Variants in LOXL2 observed in about 807,000 individuals in gnomAD.
LOXL2 encodes the protein lysyl oxidase like 2, also known as lysyl oxidase homolog 2.
LOXL2 carries 70 observed loss-of-function variants against 93.0 expected under a neutral mutation model. The observed-to-expected ratio is 0.75, with a 90% CI of 0.62 to 0.92. LOXL2 has a LOEUF of 0.92. Ranked by LOEUF, LOXL2 falls within the 40% of genes least tolerant of loss-of-function variation. The pLI is 0.00. For synonymous variants in LOXL2, 438 were observed against 413.2 expected (o/e 1.06, Z -0.73); for missense variants, 973 against 1,054.9 (o/e 0.92, Z 1.08).
rs140255048 is a variant in LOXL2, at chr8:23,322,164, C to T, written c.1268G>A (p.Arg423Lys). Reference protein sequence around the residue: ...GCNHEEDAGVRCNTPAMGLQK... With the variant: ...GCNHEEDAGVKCNTPAMGLQK... ...CAAGCCCATGGCAGGGGTGTTGCATCTCACACCAGCATCCTCCTCGTGGTT... is the reference window on the plus strand; with the variant it reads ...CAAGCCCATGGCAGGGGTGTTGCATTTCACACCAGCATCCTCCTCGTGGTT... Residue 423 changes from arginine (R) to lysine (K), a missense_variant, in exon 7 of 14, where the codon AGA (arginine) becomes AAA (lysine). By Grantham distance (26) the Arg-to-Lys change is conservative. Transcript: ENST00000389131. The T allele has an allele frequency of 1.2e-6, 2 of 1,614,236 alleles. No individual in the cohort carries two copies. The highest frequency in any genetic ancestry group is 1.1e-5 in the South Asian group (1 of 91,082).
chr8:23,297,242 G>A lies in LOXL2; in HGVS notation c.*801C>T, dbSNP rs957068851. Reference sequence around the variant, plus strand: ...GTGTAAGTGTCTGTGATGACACATGGTGCTCAGTGAGCGCCCTGTCACCCA... The same window carrying A: ...GTGTAAGTGTCTGTGATGACACATGATGCTCAGTGAGCGCCCTGTCACCCA... On this transcript the variant is annotated 3_prime_UTR_variant, in exon 14 of 14. Transcript: ENST00000389131. 1.3e-5 allele frequency: 2 copies of A among 152,088 alleles called. No homozygotes were observed. The highest frequency in any genetic ancestry group is 2.4e-5 in the African/African-American group (1 of 41,392). 9.4% of individuals were successfully genotyped at this position (152,088 alleles called of 1,614,324 possible). A position where few individuals can be genotyped will look rare whatever the true frequency, so the allele number is the denominator to read the frequency against.
At chr8:23,372,752 T>G (rs1001849347) in intron 1 of LOXL2, among the ~76,000 whole-genome samples, 2 of 152,260 alleles carry the variant, frequency 1.3e-5, no homozygotes, top group African/African-American at 4.8e-5. Flanking sequence ...AAAAGAAATA[T>G]TGATAGAACT....
intron 3 of LOXL2, among the ~76,000 whole-genome samples, chr8:23,352,432 C>T (rs962775555): frequency 6.6e-6 from 1 of 152,060 alleles, no homozygotes; most frequent in Non-Finnish European, 1.5e-5. Flanking sequence ...TTCCCCAAAC[C>T]ACCCAGTGCA....
intron 1 of LOXL2, among the ~76,000 whole-genome samples, chr8:23,400,904 G>T (rs1037195283): frequency 1.3e-5 from 2 of 152,162 alleles, no homozygotes; most frequent in Non-Finnish European, 2.9e-5. Context: ...TCCTGATTTT[G>T]CAGTTCATTT....
intron 6 of LOXL2, among the ~76,000 whole-genome samples, chr8:23,323,763 G>C (rs567674982): frequency 6.6e-6 from 1 of 152,166 alleles, no homozygotes; most frequent in South Asian, 2.1e-4. Flanking sequence ...GTGCAGTGAC[G>C]CCATCTCGGC....
chr8:23,391,155 A>G lies in LOXL2; in HGVS notation c.-84+12799T>C, dbSNP rs57272477. Reference sequence around the variant, plus strand: ...ACATGTGGGAATTATGGGAGCTACAATTTAAGATAAGATTTGGGTGCGGAT... The same window carrying G: ...ACATGTGGGAATTATGGGAGCTACAGTTTAAGATAAGATTTGGGTGCGGAT... On this transcript the variant is annotated intron_variant, in intron 1 of 13. Coordinates refer to ENST00000389131, the MANE Select transcript of LOXL2 (RefSeq NM_002318.3). 8.7e-4 allele frequency among the ~76,000 whole-genome samples: 133 copies of G among 152,298 alleles called. 2 individuals are homozygous for G. In the East Asian group the frequency reaches 0.019, roughly 22 times the overall value.
chr8:23,367,386 T>A (rs1336179135), intron 2 of LOXL2, among the ~76,000 whole-genome samples: 1 of 152,104 alleles, frequency 6.6e-6, no homozygotes, highest in African/African-American at 2.4e-5. Flanking sequence ...ACTAATAAAT[T>A]TGAACCTCAC....
intron 3 of LOXL2, among the ~76,000 whole-genome samples, chr8:23,354,824 C>A (rs1804159774): frequency 6.6e-6 from 1 of 151,590 alleles, no homozygotes; most frequent in South Asian, 2.1e-4. Context: ...CCTCCACTGA[C>A]AAGGAGCTCA....
chr8:23,314,635 G>A (rs1414787197), intron 9 of LOXL2, among the ~76,000 whole-genome samples: 1 of 151,500 alleles, frequency 6.6e-6, no homozygotes, highest in Non-Finnish European at 1.5e-5. Flanking sequence ...ACACTCTGGG[G>A]ACTGTTGTGG....
chr8:23,355,312 T>TCC (rs113118759), intron 3 of LOXL2, among the ~76,000 whole-genome samples: 1 of 151,382 alleles, frequency 6.6e-6, no homozygotes, highest in Non-Finnish European at 1.5e-5. Context: ...GAGAACCATC[T>TCC]CCCCCCATAT....
chr8:23,301,999 G>C (rs1040485003), intron 12 of LOXL2, 28 bp downstream of exon 12: 7 of 1,613,194 alleles, frequency 4.3e-6, no homozygotes, highest in Non-Finnish European at 5.1e-6. Flanking sequence ...CCCCCTGCAG[G>C]GCTGGAACCC....
intron 1 of LOXL2, among the ~76,000 whole-genome samples, chr8:23,371,668 C>T (rs1437901037): frequency 1.5e-5 from 2 of 133,632 alleles, no homozygotes; most frequent in Non-Finnish European, 3.1e-5. Flanking sequence ...AGGAGAATGG[C>T]GTGAACCCAG....
Position 23,322,264 on chromosome 8 carries a change from G to C in LOXL2, c.1168C>G (p.Leu390Val). The C allele has an allele frequency of 6.2e-6, 10 of 1,614,194 alleles. No homozygotes were observed. The highest frequency in any genetic ancestry group is 7.6e-6 in the Non-Finnish European group (9 of 1,180,018). Residue 390 changes from leucine (L) to valine (V), a missense_variant, in exon 7 of 14, where the codon CTC becomes GTC. Leu to Val is a conservative substitution (Grantham distance 32). Transcript: ENST00000389131. ...RLGQGIGPIH[L>V]NEIQCTGNEK... is the part of the protein sequence containing the mutation. The stretch of plus-strand genomic sequence containing the variant: ...TTGCCTGTGCACTGGATCTCGTTGA[G>C]GTGGATGGGTCCGATCCCTGCAAGG...
At chr8:23,387,308 G>C (rs562857112) in intron 1 of LOXL2, among the ~76,000 whole-genome samples, 19 of 152,284 alleles carry the variant, frequency 1.2e-4, no homozygotes, top group Middle Eastern at 3.4e-3. Flanking sequence ...GTGTCCTCGG[G>C]GGGTATCAGA....
chr8:23,334,408 C>T (rs145343499), intron 4 of LOXL2, among the ~76,000 whole-genome samples: 20 of 152,282 alleles, frequency 1.3e-4, no homozygotes, highest in African/African-American at 3.4e-4. Context: ...ACTCTCCCAA[C>T]GATATACAAG....
At chr8:23,376,854 C>T (rs1322511183) in intron 1 of LOXL2, among the ~76,000 whole-genome samples, 2 of 152,108 alleles carry the variant, frequency 1.3e-5, no homozygotes, top group African/African-American at 4.8e-5. Context: ...GTCTTGCTAG[C>T]AGTCTATCAA....
At chr8:23,381,588 C>T (rs138178365) in intron 1 of LOXL2, among the ~76,000 whole-genome samples, 88 of 152,308 alleles carry the variant, frequency 5.8e-4, no homozygotes, top group African/African-American at 2.1e-3. Context: ...CTCTCCCTTG[C>T]CCCGTGCTTA....
rs1016579352 is a variant in LOXL2, at chr8:23,297,711, G to A, written c.*332C>T. ...AGCGCGGCTCCACTGTGTCTGTGGT[G>A]AGCTCGGTGGCTTGAATGGGACAAG... On this transcript the variant is annotated 3_prime_UTR_variant, in exon 14 of 14. Transcript: ENST00000389131. 2.8e-5 allele frequency: 7 copies of A among 247,982 alleles called. No homozygotes were observed. The highest frequency in any genetic ancestry group is 3.9e-5 in the Non-Finnish European group (5 of 128,276). 15.4% of individuals were successfully genotyped at this position (247,982 alleles called of 1,614,324 possible). A position where few individuals can be genotyped will look rare whatever the true frequency, so the allele number is the denominator to read the frequency against.
At chr8:23,397,734 C>T (rs573148457) in intron 1 of LOXL2, among the ~76,000 whole-genome samples, 13 of 149,246 alleles carry the variant, frequency 8.7e-5, no homozygotes, top group East Asian at 2.0e-4. Flanking sequence ...GCCGAGATCG[C>T]GCCACTGCAC....
Sources: gnomAD v4.1 joint callset for allele counts (sites outside exome capture counted in the v4.1 genomes callset) on GRCh38, gnomAD v4.1.1 for gene constraint, MANE v1.5 for transcripts, NCBI Gene and HGNC (gene_info 2026-07-23, HGNC 2026-07-21) for gene names.